MEMO1: variants seen among roughly 807,000 people sequenced by gnomAD.
The protein encoded by MEMO1 is protein MEMO1.
In MEMO1, 6 loss-of-function variants were observed where a neutral mutation model predicts 45.2. The ratio of observed to expected loss-of-function variants is 0.13; its 90% CI spans 0.07 to 0.26. MEMO1 has a LOEUF of 0.26. Among genes scored for constraint, MEMO1 ranks in the 10% least tolerant of loss-of-function variants. The pLI is 1.00. For missense variants in MEMO1, 184 were observed against 370.5 expected, an observed-to-expected ratio of 0.50 and a Z score of 4.13; for synonymous variants, 78 against 124.3, an observed-to-expected ratio of 0.63 and a Z score of 2.48.
intron 2 of MEMO1, among the ~76,000 whole-genome samples, chr2:31,967,366 C>T (rs528632751): frequency 1.6e-4 from 25 of 152,084 alleles, no homozygotes; most frequent in Non-Finnish European, 2.8e-4. Flanking sequence ...CCTCGTGATC[C>T]GCCTGCCTCA....
chr2:31,944,746 C>T (rs1666004179), intron 2 of MEMO1, among the ~76,000 whole-genome samples: 1 of 151,404 alleles, frequency 6.6e-6, no homozygotes, highest in African/African-American at 2.4e-5. Context: ...CTTCAACTAC[C>T]CCTCCATTTC....
intron 5 of MEMO1, 127 bp from the exon 6 acceptor site, chr2:31,918,164 A>C: frequency 4.1e-6 from 2 of 486,732 alleles, no homozygotes; most frequent in Non-Finnish European, 3.4e-6. Context: ...TAATATTCTC[A>C]TTTTTATTAA....
intron 2 of MEMO1, among the ~76,000 whole-genome samples, chr2:31,973,308 G>A (rs1342551483): frequency 6.6e-6 from 1 of 152,060 alleles, no homozygotes; most frequent in East Asian, 1.9e-4. Context: ...ACAAAAATTA[G>A]CCATGTGTGG....
At chr2:31,921,010 C>A in intron 4 of MEMO1, 100 bp from the exon 5 acceptor site, 1 of 771,676 alleles carries the variant, frequency 1.3e-6, no homozygotes, top group Non-Finnish European at 2.1e-6. Flanking sequence ...CACTTGTTTT[C>A]CTTCTTAATT....
intron 3 of MEMO1, among the ~76,000 whole-genome samples, chr2:31,933,351 T>TTATATATATATATATA (rs370773425): frequency 3.4e-3 from 152 of 45,034 alleles, no homozygotes; most frequent in East Asian, 6.0e-3. Flanking sequence ...AAAAAAAAAT[T>TTATATATATATATATA]TATATATATA....
intron 5 of MEMO1, 91 bp from the exon 6 acceptor site, chr2:31,918,128 T>C: frequency 1.4e-6 from 1 of 709,158 alleles, no homozygotes. Flanking sequence ...ACTACATGCT[T>C]TTTGGCAAGA....
chr2:31,984,662 G>T (rs566211656), intron 2 of MEMO1, among the ~76,000 whole-genome samples: 5 of 152,076 alleles, frequency 3.3e-5, no homozygotes, highest in African/African-American at 7.2e-5. Flanking sequence ...AAAAATTAGC[G>T]AGGCGTGGTG....
At chr2:31,963,118 T>A in intron 2 of MEMO1, 4 of 1,478,804 alleles carry the variant, frequency 2.7e-6, no homozygotes, top group Non-Finnish European at 2.7e-6. Flanking sequence ...AGTCTCTAAC[T>A]ACACCATTAG....
At chr2:31,875,064 C>T (rs183182697) in intron 8 of MEMO1, among the ~76,000 whole-genome samples, 21 of 151,910 alleles carry the variant, frequency 1.4e-4, no homozygotes, top group African/African-American at 5.1e-4. Flanking sequence ...AAATAGAACA[C>T]TTATGAGCCA....
chr2:31,896,996 GGGA>G (rs1677930861), intron 6 of MEMO1, among the ~76,000 whole-genome samples: 1 of 152,150 alleles, frequency 6.6e-6, no homozygotes, highest in South Asian at 2.1e-4. Flanking sequence ...AATTGTGAAT[GGGA>G]GTTCACTCAT....
intron 2 of MEMO1, among the ~76,000 whole-genome samples, chr2:32,007,881 T>C (rs1010419687): frequency 6.6e-6 from 1 of 152,184 alleles, no homozygotes; most frequent in Admixed American, 6.6e-5. Context: ...AAATAAGCTT[T>C]TACAATTGAA....
intron 2 of MEMO1, among the ~76,000 whole-genome samples, chr2:32,006,507 A>G (rs2148619842): frequency 1.3e-5 from 2 of 151,978 alleles, no homozygotes; most frequent in Middle Eastern, 6.8e-3. Context: ...TGTCAAATAC[A>G]GTCTCTACAG....
chr2:31,870,927 T>C (rs1242266385), intron 8 of MEMO1, among the ~76,000 whole-genome samples: 1 of 152,194 alleles, frequency 6.6e-6, no homozygotes, highest in East Asian at 1.9e-4. Flanking sequence ...GAAAGCTTTT[T>C]ATCTCTTTAT....
chr2:31,968,074 C>G (rs1191398483), intron 2 of MEMO1, among the ~76,000 whole-genome samples: 1 of 152,052 alleles, frequency 6.6e-6, no homozygotes, highest in African/African-American at 2.4e-5. Flanking sequence ...GTCAGGAGTC[C>G]TGTGTGTCTC....
intron 2 of MEMO1, among the ~76,000 whole-genome samples, chr2:32,002,580 G>C (rs1034169215): frequency 6.6e-6 from 1 of 151,930 alleles, no homozygotes; most frequent in African/African-American, 2.4e-5. Flanking sequence ...GAGTCAGACT[G>C]GTTCTTCAAC....
intron 2 of MEMO1, among the ~76,000 whole-genome samples, chr2:31,993,135 C>T (rs6755740): frequency 0.15 from 22,192 of 151,720 alleles, 1,837 homozygotes; most frequent in African/African-American, 0.21. Flanking sequence ...ACTGTGCCAC[C>T]GCATTCCAGC....
At chr2:31,881,975 T>C (rs1675448802) in intron 8 of MEMO1, among the ~76,000 whole-genome samples, 1 of 152,114 alleles carries the variant, frequency 6.6e-6, no homozygotes, top group Non-Finnish European at 1.5e-5. Context: ...TGAAACCCTG[T>C]CTTTACAAAA....
At chr2:31,923,685 T>G (rs1682667863) in intron 4 of MEMO1, 3 of 1,548,056 alleles carry the variant, frequency 1.9e-6, no homozygotes, top group African/African-American at 1.4e-5. Context: ...GAGGAAAATA[T>G]GAAAAGACAG....
chr2:31,969,708 C>T (rs1478074977), intron 2 of MEMO1, among the ~76,000 whole-genome samples: 1 of 149,650 alleles, frequency 6.7e-6, no homozygotes, highest in Non-Finnish European at 1.5e-5. Flanking sequence ...CTCCTGGAAA[C>T]AAGCAACCCT....
Sources: gnomAD v4.1 joint callset for allele counts (sites outside exome capture counted in the v4.1 genomes callset) on GRCh38, gnomAD v4.1.1 for gene constraint, MANE v1.5 for transcripts, NCBI Gene and HGNC (gene_info 2026-07-23, HGNC 2026-07-21) for gene names.